The following PRKD1 variants were observed in gnomAD, a reference collection of about 807,000 sequenced individuals.
The protein encoded by PRKD1 is serine/threonine-protein kinase D1.
A neutral mutation model predicts 95.9 loss-of-function variants in PRKD1; 63 were observed. The ratio of observed to expected loss-of-function variants is 0.66; its 90% CI spans 0.54 to 0.81. The LOEUF is 0.81. Among genes scored for constraint, PRKD1 ranks in the 30% least tolerant of loss-of-function variants. The pLI is 0.00. For missense variants in PRKD1, 1,048 were observed against 1,165.3 expected (o/e 0.90, Z 1.47); for synonymous variants, 425 against 423.1 (o/e 1.00, Z -0.05).
intron 1 of PRKD1, among the ~76,000 whole-genome samples, chr14:29,833,728 A>C (rs1354657951): frequency 1.3e-5 from 2 of 152,086 alleles, no homozygotes; most frequent in Non-Finnish European, 2.9e-5. Flanking sequence ...TTTCTGAGTG[A>C]TCTCAAAATA....
chr14:29,745,936 A>G (rs1454441177), intron 1 of PRKD1, among the ~76,000 whole-genome samples: 2 of 152,166 alleles, frequency 1.3e-5, no homozygotes, highest in African/African-American at 2.4e-5. Flanking sequence ...CCAATTCCAC[A>G]ATTAAAACAT....
At chr14:29,770,709 G>A (rs1296545499) in intron 1 of PRKD1, among the ~76,000 whole-genome samples, 1 of 152,140 alleles carries the variant, frequency 6.6e-6, no homozygotes, top group African/African-American at 2.4e-5. Flanking sequence ...ACTCACACCT[G>A]TAATCCCAGC....
At position 29,927,641 on chromosome 14, in the gene PRKD1, G is replaced by T; in HGVS notation, c.-129C>A. Reference sequence around the variant, plus strand: ...CCAGACGGAAAATAAAAACTTTCCGGAAAAGTCCCTGGGCTGGGGGAGGGC... The same window carrying T: ...CCAGACGGAAAATAAAAACTTTCCGTAAAAGTCCCTGGGCTGGGGGAGGGC... On this transcript the variant is annotated 5_prime_UTR_variant, in exon 1 of 18. Transcript: ENST00000331968. The T allele has an allele frequency of 6.0e-6, 4 of 664,772 alleles. No individual in the cohort carries two copies. The highest frequency in any genetic ancestry group is 7.5e-6 in the Non-Finnish European group (4 of 533,648). The allele number at this position is 664,772 out of a possible 1,614,324, so 41.2% of individuals were successfully genotyped here.
At chr14:29,636,601 T>C in intron 6 of PRKD1, 107 bp from the exon 7 acceptor site, 1 of 1,100,506 alleles carries the variant, frequency 9.1e-7, no homozygotes, top group South Asian at 1.4e-5. Flanking sequence ...CCCAAAGAGG[T>C]AGTTCTGTGA....
intron 4 of PRKD1, among the ~76,000 whole-genome samples, chr14:29,646,533 TTAGATAGATAGATAGA>T (rs3837586): frequency 8.7e-4 from 130 of 150,152 alleles, no homozygotes; most frequent in African/African-American, 2.0e-3. Flanking sequence ...CTCACAAAAA[TTAGATAGATAGATAGA>T]TAGATAGATA....
intron 1 of PRKD1, among the ~76,000 whole-genome samples, chr14:29,885,124 T>TTTTAAAA (rs1232960518): frequency 7.6e-6 from 1 of 131,074 alleles, no homozygotes; most frequent in African/African-American, 2.9e-5. Flanking sequence ...CTCCATCTTT[T>TTTTAAAA]AAAAAAAAAA....
intron 1 of PRKD1, among the ~76,000 whole-genome samples, chr14:29,896,529 G>A (rs1056625134): frequency 1.1e-4 from 17 of 152,138 alleles, no homozygotes; most frequent in African/African-American, 4.1e-4. Context: ...AAAGACAGAG[G>A]ACTGATTTCT....
At chr14:29,645,297 C>T (rs535793509) in intron 4 of PRKD1, among the ~76,000 whole-genome samples, 1 of 152,236 alleles carries the variant, frequency 6.6e-6, no homozygotes, top group East Asian at 1.9e-4. Flanking sequence ...TTCTAACCAG[C>T]TTGTCTGTGC....
At chr14:29,877,582 G>T in intron 1 of PRKD1, among the ~76,000 whole-genome samples, 1 of 152,178 alleles carries the variant, frequency 6.6e-6, no homozygotes, top group East Asian at 1.9e-4. Context: ...GTCCAGAATG[G>T]CATTGCCAAG....
chr14:29,686,795 T>C (rs769451114), intron 2 of PRKD1, among the ~76,000 whole-genome samples: 9 of 152,220 alleles, frequency 5.9e-5, no homozygotes, highest in African/African-American at 1.9e-4. Context: ...ATGATTAAGA[T>C]AGTCCTTGGC....
At chr14:29,604,837 A>G (rs1893647590) in intron 13 of PRKD1, among the ~76,000 whole-genome samples, 1 of 152,204 alleles carries the variant, frequency 6.6e-6, no homozygotes, top group Non-Finnish European at 1.5e-5. Context: ...AAGATCTCCT[A>G]AATTCCACAA....
At chr14:29,865,235 C>A (rs1418282727) in intron 1 of PRKD1, among the ~76,000 whole-genome samples, 1 of 152,098 alleles carries the variant, frequency 6.6e-6, no homozygotes, top group African/African-American at 2.4e-5. Flanking sequence ...TGTCTTATTC[C>A]CTTTGTAATT....
chr14:29,714,971 C>T (rs538269539), intron 2 of PRKD1, among the ~76,000 whole-genome samples: 1 of 151,940 alleles, frequency 6.6e-6, no homozygotes, highest in South Asian at 2.1e-4. Flanking sequence ...GGATGGAGGG[C>T]TAGGGGAGGG....
At chr14:29,676,026 G>GT (rs1555334372) in intron 2 of PRKD1, among the ~76,000 whole-genome samples, 3 of 151,520 alleles carry the variant, frequency 2.0e-5, no homozygotes, top group South Asian at 2.1e-4. Context: ...TATACCTAAT[G>GT]TAAATGACGC....
chr14:29,863,902 A>G (rs1422396687), intron 1 of PRKD1, among the ~76,000 whole-genome samples: 1 of 152,112 alleles, frequency 6.6e-6, no homozygotes, highest in East Asian at 1.9e-4. Flanking sequence ...AAAAACACAA[A>G]TGAATAACGG....
At chr14:29,924,718 C>T (rs1895237648) in intron 1 of PRKD1, among the ~76,000 whole-genome samples, 1 of 152,124 alleles carries the variant, frequency 6.6e-6, no homozygotes, top group Admixed American at 6.6e-5. Context: ...CCCCAAACTC[C>T]TGTCATCCTT....
At chr14:29,741,290 C>T (rs1447202852) in intron 1 of PRKD1, among the ~76,000 whole-genome samples, 3 of 151,976 alleles carry the variant, frequency 2.0e-5, no homozygotes, top group Non-Finnish European at 4.4e-5. Context: ...TAAAGTTCAC[C>T]GTGAATATTA....
intron 1 of PRKD1, among the ~76,000 whole-genome samples, chr14:29,726,028 G>A (rs965991225): frequency 1.8e-4 from 27 of 152,130 alleles, no homozygotes; most frequent in Non-Finnish European, 2.9e-5. Context: ...CAGCAATCCA[G>A]TAACATAAAA....
intron 1 of PRKD1, among the ~76,000 whole-genome samples, chr14:29,878,135 C>T (rs1403393166): frequency 1.3e-5 from 2 of 151,992 alleles, no homozygotes; most frequent in Non-Finnish European, 2.9e-5. Flanking sequence ...ACAACAGACA[C>T]TGGAGCCTAC....
Sources: allele counts gnomAD v4.1 joint callset (sites outside exome capture counted in the v4.1 genomes callset), GRCh38; gene constraint gnomAD v4.1.1; transcripts MANE v1.5; gene names NCBI Gene and HGNC (gene_info 2026-07-23, HGNC 2026-07-21).